The following MAF variants were observed in gnomAD, a reference collection of about 807,000 sequenced individuals.
The protein encoded by MAF is MAF bZIP transcription factor.
In MAF, 10 loss-of-function variants were observed where a neutral mutation model predicts 22.0. That is an observed-to-expected ratio of 0.45 (90% confidence interval 0.28 to 0.77). The LOEUF (loss-of-function observed/expected upper bound fraction) is 0.77, where lower values mean the gene tolerates loss of function less well. Among genes scored for constraint, MAF ranks in the 30% least tolerant of loss-of-function variants. The probability of loss-of-function intolerance (pLI) is 0.12; values close to 1 mark genes in which losing one functional copy is unlikely to be tolerated. For missense variants in MAF, 544 were observed against 548.4 expected (o/e 0.99, Z 0.08); for synonymous variants, 337 against 255.8 (o/e 1.32, Z -3.03).
At chr16:79,212,032 G>A in the MAF span, 1 of 1,536,234 alleles carries the variant, frequency 6.5e-7, no homozygotes, top group Non-Finnish European at 8.7e-7. Context: ...GCTTTCTGGT[G>A]GTGGCCTGTT....
chr16:79,594,978 A>G, intron 1 of MAF: 1 of 1,085,542 alleles, frequency 9.2e-7, no homozygotes, highest in Non-Finnish European at 1.1e-6. Context: ...CTCATTTGTC[A>G]TGAGATAACT....
At chr16:79,492,620 G>A in the MAF span, among the ~76,000 whole-genome samples, 1 of 151,878 alleles carries the variant, frequency 6.6e-6, no homozygotes, top group African/African-American at 2.4e-5. Flanking sequence ...AAGCTTAAAT[G>A]AATACAATGT....
the MAF span, among the ~76,000 whole-genome samples, chr16:79,529,061 G>C: frequency 6.6e-6 from 1 of 152,176 alleles, no homozygotes; most frequent in Non-Finnish European, 1.5e-5. Flanking sequence ...GTCTAAGTAA[G>C]TCAACCCAAG....
chr16:79,379,618 G>C, the MAF span, among the ~76,000 whole-genome samples: 1 of 152,150 alleles, frequency 6.6e-6, no homozygotes, highest in Non-Finnish European at 1.5e-5. Context: ...TCTGGCTTTA[G>C]TTAAACTTTA....
chr16:79,541,675 T>TC, the MAF span, among the ~76,000 whole-genome samples: 58 of 148,990 alleles, frequency 3.9e-4, no homozygotes, highest in East Asian at 5.5e-3. Flanking sequence ...TTTTTTTTTT[T>TC]TTTTTTTGAG....
At chr16:79,203,190 A>G in the MAF span, 2 of 152,218 alleles carry the variant, frequency 1.3e-5, no homozygotes, top group South Asian at 2.1e-4. Context: ...GTGTAAAGGC[A>G]GTGCCTAAGC....
the MAF span, among the ~76,000 whole-genome samples, chr16:79,235,181 G>T: frequency 2.6e-5 from 4 of 152,042 alleles, no homozygotes; most frequent in Non-Finnish European, 4.4e-5. Context: ...AATTTACTTT[G>T]AGATGCTCTG....
the MAF span, among the ~76,000 whole-genome samples, chr16:79,296,020 C>G: frequency 1.3e-5 from 2 of 152,210 alleles, no homozygotes; most frequent in Admixed American, 1.3e-4. Flanking sequence ...GGGCTGTCCC[C>G]CTCTGGCTGA....
chr16:79,421,189 A>G, the MAF span, among the ~76,000 whole-genome samples: 6 of 152,308 alleles, frequency 3.9e-5, no homozygotes, highest in South Asian at 2.1e-4. Context: ...AACAATATAC[A>G]TTGCGTTTGT....
In MAF at chr16:79,599,297, G is replaced by C. The variant is rs1172216605; in HGVS notation, c.606C>G (p.Ala202=). The change falls in exon 1 of 2, where the codon GCC becomes GCG. Residue 202 remains alanine (A), a synonymous_variant. Transcript: ENST00000326043. The stretch of plus-strand genomic sequence containing the variant: ...CGGCCGAGGCGGCCGCGCTGCCCGC[G>C]GCGCCGGGCGCGCCGGCCGTCGGGT... ...HHHPTAGAPG[A]AGSAAASAGG... 1 of 980,332 alleles carries C rather than the reference G, an allele frequency of 1.0e-6. No homozygotes were observed. Among genetic ancestry groups the C allele is most frequent in the Non-Finnish European group, 1.2e-6 (1 of 828,328 alleles). 60.7% of individuals were successfully genotyped at this position (980,332 alleles called of 1,614,324 possible).
the MAF span, among the ~76,000 whole-genome samples, chr16:79,393,389 G>C: frequency 1.2e-4 from 19 of 152,310 alleles, 1 homozygote; most frequent in Middle Eastern, 3.4e-3. Flanking sequence ...AGGATTCCTA[G>C]GCAAAGTTTG....
At chr16:79,384,674 G>A in the MAF span, among the ~76,000 whole-genome samples, 12 of 149,236 alleles carry the variant, frequency 8.0e-5, no homozygotes, top group East Asian at 8.1e-4. Context: ...GGAGAATGGC[G>A]TGAACCCGGG....
chr16:79,403,304 G>A, the MAF span, among the ~76,000 whole-genome samples: 3 of 152,170 alleles, frequency 2.0e-5, no homozygotes, highest in Non-Finnish European at 2.9e-5. Context: ...CGGTATAGGG[G>A]CTCAGTGTAT....
chr16:79,468,272 G>A, the MAF span, among the ~76,000 whole-genome samples: 1 of 152,200 alleles, frequency 6.6e-6, no homozygotes, highest in Non-Finnish European at 1.5e-5. Flanking sequence ...CGTCCAAGAA[G>A]TGCCTTCCCC....
At chr16:79,421,156 A>G in the MAF span, among the ~76,000 whole-genome samples, 2 of 152,164 alleles carry the variant, frequency 1.3e-5, no homozygotes, top group Non-Finnish European at 2.9e-5. Context: ...AAACTTTATC[A>G]TAAGTATGTA....
At chr16:79,455,134 G>C in the MAF span, among the ~76,000 whole-genome samples, 1 of 150,504 alleles carries the variant, frequency 6.6e-6, no homozygotes, top group East Asian at 1.9e-4. Flanking sequence ...TCCACCCTTT[G>C]TCCATTTCCC....
the MAF span, among the ~76,000 whole-genome samples, chr16:79,431,650 C>T: frequency 2.0e-5 from 3 of 152,118 alleles, no homozygotes; most frequent in Non-Finnish European, 2.9e-5. Flanking sequence ...TCCTTCTTCC[C>T]TGACGAATGC....
At chr16:79,529,431 A>G in the MAF span, among the ~76,000 whole-genome samples, 1 of 152,220 alleles carries the variant, frequency 6.6e-6, no homozygotes. Flanking sequence ...AGTTGGGTGA[A>G]GCATATTCTG....
the MAF span, among the ~76,000 whole-genome samples, chr16:79,226,891 G>C: frequency 6.6e-6 from 1 of 152,102 alleles, no homozygotes; most frequent in Non-Finnish European, 1.5e-5. Flanking sequence ...CTCAGGTCCA[G>C]TCATGGAGCC....
Sources: gnomAD v4.1 joint callset for allele counts (sites outside exome capture counted in the v4.1 genomes callset) on GRCh38, gnomAD v4.1.1 for gene constraint, MANE v1.5 for transcripts, NCBI Gene and HGNC (gene_info 2026-07-23, HGNC 2026-07-21) for gene names.